PTPRD: variants seen among roughly 807,000 people sequenced by gnomAD.
PTPRD encodes the protein receptor-type tyrosine-protein phosphatase delta.
A neutral mutation model predicts 214.5 loss-of-function variants in PTPRD; 34 were observed. That is an observed-to-expected ratio of 0.16 (90% CI 0.12 to 0.21). The LOEUF (loss-of-function observed/expected upper bound fraction) is 0.21, where lower values mean the gene tolerates loss of function less well. Ranked by LOEUF, PTPRD falls within the 10% of genes least tolerant of loss-of-function variation. The pLI, the probability that PTPRD is intolerant of heterozygous loss-of-function variation, is 1.00. For synonymous variants in PTPRD, 1,128 were observed against 845.7 expected, an observed-to-expected ratio of 1.33 and a Z score of -5.79; for missense variants, 2,545 against 2,398.7, an observed-to-expected ratio of 1.06 and a Z score of -1.27.
intron 3 of PTPRD, among the ~76,000 whole-genome samples, chr9:10,036,952 T>C (rs2097195752): frequency 6.6e-6 from 1 of 151,948 alleles, no homozygotes; most frequent in Non-Finnish European, 1.5e-5. Flanking sequence ...GGCATGATCA[T>C]GGTTTACTGC....
chr9:9,869,708 CT>C (rs2064943931), intron 5 of PTPRD, among the ~76,000 whole-genome samples: 1 of 151,576 alleles, frequency 6.6e-6, no homozygotes, highest in South Asian at 2.1e-4. Context: ...AAGAGCAAGC[CT>C]GCAGGAAAAT....
intron 9 of PTPRD, among the ~76,000 whole-genome samples, chr9:9,378,280 A>G (rs2061327824): frequency 6.6e-6 from 1 of 152,148 alleles, no homozygotes; most frequent in South Asian, 2.1e-4. Flanking sequence ...ATAATACAGT[A>G]TATATCTTTT....
intron 11 of PTPRD, among the ~76,000 whole-genome samples, chr9:8,753,425 T>C (rs1014395169): frequency 6.6e-6 from 1 of 152,172 alleles, no homozygotes; most frequent in Non-Finnish European, 1.5e-5. Context: ...TCAAGTAGGG[T>C]TGATACTTTA....
intron 4 of PTPRD, among the ~76,000 whole-genome samples, chr9:9,970,311 G>A (rs541707007): frequency 7.9e-5 from 12 of 151,766 alleles, no homozygotes; most frequent in East Asian, 7.8e-4. Flanking sequence ...TTAGCCGGGC[G>A]TGGTGGCAGG....
intron 7 of PTPRD, among the ~76,000 whole-genome samples, chr9:9,600,421 T>C (rs2093661701): frequency 1.1e-4 from 1 of 8,960 alleles, no homozygotes; most frequent in African/African-American, 2.1e-4. Flanking sequence ...TCTTCATTCA[T>C]TCATTGTATT....
chr9:9,822,133 C>A (rs920819201), intron 5 of PTPRD, among the ~76,000 whole-genome samples: 6 of 151,130 alleles, frequency 4.0e-5, no homozygotes, highest in Admixed American at 2.6e-4. Flanking sequence ...ATAGAATAGG[C>A]TGGATGTGGT....
chr9:8,369,772 G>C (rs932169795), intron 39 of PTPRD, among the ~76,000 whole-genome samples: 1 of 151,400 alleles, frequency 6.6e-6, no homozygotes, highest in East Asian at 2.0e-4. Context: ...CATGGGTCAA[G>C]GTTTTATAAC....
At chr9:9,413,100 CTTTT>C (rs5896325) in intron 8 of PTPRD, among the ~76,000 whole-genome samples, 401 of 63,014 alleles carry the variant, frequency 6.4e-3, no homozygotes, top group African/African-American at 0.026. Flanking sequence ...CTTGCAGCTT[CTTTT>C]TTTTTTTTTT....
At chr9:8,877,962 A>G (rs1039730169) in intron 11 of PTPRD, among the ~76,000 whole-genome samples, 6 of 152,192 alleles carry the variant, frequency 3.9e-5, no homozygotes, top group Admixed American at 1.3e-4. Flanking sequence ...TAGCATGGAA[A>G]GAAAGAGGGT....
chr9:8,338,167 C>T (rs1848830894), intron 43 of PTPRD, among the ~76,000 whole-genome samples: 1 of 152,090 alleles, frequency 6.6e-6, no homozygotes, highest in South Asian at 2.1e-4. Flanking sequence ...TCAACCCACC[C>T]ACTGTGACAG....
intron 11 of PTPRD, among the ~76,000 whole-genome samples, chr9:8,745,406 A>G (rs1408081422): frequency 6.6e-6 from 1 of 152,224 alleles, no homozygotes; most frequent in Admixed American, 6.5e-5. Flanking sequence ...GCAAAGAGAC[A>G]ATATTACAAT....
At chr9:8,349,890 G>C (rs530035075) in intron 39 of PTPRD, among the ~76,000 whole-genome samples, 2 of 148,794 alleles carry the variant, frequency 1.3e-5, no homozygotes, top group African/African-American at 2.5e-5. Context: ...CTCTATATTT[G>C]TTTGACTTCA....
chr9:8,498,604 C>T (rs910820750), intron 25 of PTPRD, among the ~76,000 whole-genome samples: 14 of 152,162 alleles, frequency 9.2e-5, no homozygotes, highest in Admixed American at 8.5e-4. Context: ...AACTTTCACA[C>T]AAAGAAACGC....
chr9:8,826,675 T>C lies in PTPRD; in HGVS notation c.-103-92729A>G, dbSNP rs1428445187. Among the ~76,000 whole-genome samples the C allele has an allele frequency of 2.6e-5, 4 of 151,982 alleles. No homozygotes were observed. In the East Asian group the frequency reaches 7.8e-4, roughly 29 times the overall value. Reference sequence around the variant, plus strand: ...ATAGTGCTTATCCAATTTGCAATTGTGTATTCATCCATTATTTTACTCTCC... The same window carrying C: ...ATAGTGCTTATCCAATTTGCAATTGCGTATTCATCCATTATTTTACTCTCC... On this transcript the variant is annotated intron_variant, in intron 11 of 45. Coordinates refer to ENST00000381196, the MANE Select transcript of PTPRD (RefSeq NM_002839.4).
chr9:8,349,046 AT>A (rs2074661884), intron 39 of PTPRD, among the ~76,000 whole-genome samples: 2 of 64,508 alleles, frequency 3.1e-5, no homozygotes, highest in Admixed American at 2.1e-4. Context: ...GACAAAATTT[AT>A]AAAAAAAAAA....
intron 14 of PTPRD, among the ~76,000 whole-genome samples, chr9:8,620,542 TGA>T (rs2095789306): frequency 6.6e-6 from 1 of 151,964 alleles, no homozygotes; most frequent in Non-Finnish European, 1.5e-5. Context: ...TCAAATGCAA[TGA>T]GAGGAGATAG....
chr9:8,523,629 G>A (rs1817562603), intron 18 of PTPRD, 105 bp from the exon 19 acceptor site: 8 of 1,221,286 alleles, frequency 6.6e-6, no homozygotes, highest in Middle Eastern at 1.9e-4. Flanking sequence ...GCTTTCAACT[G>A]CTACTTGAAC....
intron 14 of PTPRD, among the ~76,000 whole-genome samples, chr9:8,625,988 TATA>T: frequency 6.6e-6 from 1 of 151,952 alleles, no homozygotes; most frequent in Non-Finnish European, 1.5e-5. Flanking sequence ...TTTAATAAGA[TATA>T]ATAAGTTACT....
chr9:8,816,986 AG>A (rs1424496543), intron 11 of PTPRD, among the ~76,000 whole-genome samples: 1 of 152,250 alleles, frequency 6.6e-6, no homozygotes, highest in Non-Finnish European at 1.5e-5. Flanking sequence ...AAGAAATCCT[AG>A]CATTTACCAC....
Sources: allele counts gnomAD v4.1 joint callset (sites outside exome capture counted in the v4.1 genomes callset), GRCh38; gene constraint gnomAD v4.1.1; transcripts MANE v1.5; gene names NCBI Gene and HGNC (gene_info 2026-07-23, HGNC 2026-07-21).